The following AMPH variants were observed in gnomAD, a reference collection of about 807,000 sequenced individuals.
AMPH encodes amphiphysin (Stiff-Mann syndrome with breast cancer 128kD autoantigen).
AMPH carries 49 observed loss-of-function variants against 99.1 expected under a neutral mutation model. The observed-to-expected ratio is 0.49, with a 90% CI of 0.39 to 0.63. The LOEUF (loss-of-function observed/expected upper bound fraction) is 0.63, where lower values mean the gene tolerates loss of function less well. Among genes scored for constraint, AMPH ranks in the 20% least tolerant of loss-of-function variants. The pLI, the probability that AMPH is intolerant of heterozygous loss-of-function variation, is 0.00. For missense variants in AMPH, 759 were observed against 863.4 expected, an observed-to-expected ratio of 0.88 and a Z score of 1.52; for synonymous variants, 314 against 317.3, an observed-to-expected ratio of 0.99 and a Z score of 0.11.
At chr7:38,526,653 G>A (rs1475587569) in intron 2 of AMPH, among the ~76,000 whole-genome samples, 3 of 151,766 alleles carry the variant, frequency 2.0e-5, no homozygotes, top group Admixed American at 6.6e-5. Flanking sequence ...TTTCTTTTAC[G>A]TATTCTGGAT....
chr7:38,564,956 C>G (rs895808931), intron 1 of AMPH, among the ~76,000 whole-genome samples: 7 of 152,018 alleles, frequency 4.6e-5, no homozygotes, highest in African/African-American at 1.7e-4. Context: ...AACCCTGTCT[C>G]TACTAAAAAT....
intron 1 of AMPH, among the ~76,000 whole-genome samples, chr7:38,572,166 A>C (rs887796681): frequency 1.3e-5 from 2 of 151,900 alleles, no homozygotes; most frequent in Non-Finnish European, 2.9e-5. Flanking sequence ...CAGCCTCCCA[A>C]AGTGCTGGGA....
chr7:38,465,861 CA>C (rs1378876973), intron 8 of AMPH, among the ~76,000 whole-genome samples: 11 of 152,186 alleles, frequency 7.2e-5, no homozygotes, highest in Non-Finnish European at 2.9e-5. Flanking sequence ...CAATCAACAA[CA>C]GAGTTGATTA....
At chr7:38,525,190 C>T (rs1287269344) in intron 2 of AMPH, among the ~76,000 whole-genome samples, 4 of 145,736 alleles carry the variant, frequency 2.7e-5, no homozygotes, top group African/African-American at 1.0e-4. Flanking sequence ...TATATATATA[C>T]ACAATCTTAT....
At chr7:38,461,536 C>A in intron 10 of AMPH, 125 bp from the exon 11 acceptor site, 2 of 1,121,980 alleles carry the variant, frequency 1.8e-6, no homozygotes. Context: ...CTGCATATAG[C>A]AGCAAGCCTA....
At chr7:38,436,031 G>T (rs866999511) in intron 12 of AMPH, among the ~76,000 whole-genome samples, 3 of 152,188 alleles carry the variant, frequency 2.0e-5, no homozygotes, top group African/African-American at 7.2e-5. Context: ...TACTCTGGGG[G>T]AGAAAACAGG....
In AMPH at chr7:38,432,174, T is replaced by G. The variant is rs1316742753; in HGVS notation, c.1158+15A>C. The G allele has an allele frequency of 6.2e-7, 1 of 1,609,784 alleles. No individual in the cohort carries two copies. The highest frequency in any genetic ancestry group is 8.5e-7 in the Non-Finnish European group (1 of 1,176,182). On this transcript the variant is annotated intron_variant, in intron 13 of 20. Coordinates refer to ENST00000356264, the MANE Select transcript of AMPH (RefSeq NM_001635.4). ...GATCAAGATACATGAAAAAACAGAG[T>G]TATTAGTGGCTTACCGTCCATAGGT...
At chr7:38,528,658 C>CT (rs1790282155) in intron 2 of AMPH, among the ~76,000 whole-genome samples, 1 of 151,866 alleles carries the variant, frequency 6.6e-6, no homozygotes, top group Admixed American at 6.6e-5. Context: ...ATTTTATTGA[C>CT]TTTTTTCCAA....
At position 38,540,306 on chromosome 7, in the gene AMPH, C is replaced by T. The variant is rs182679425; in HGVS notation, c.70-5295G>A. ...GCTGTTTTTCAAATGCAAAATAATA[C>T]ACTATGTTGACTAAGCTTTTCAAAT... On this transcript the variant is annotated intron_variant, in intron 1 of 20. Transcript: ENST00000356264. Among the ~76,000 whole-genome samples the T allele has an allele frequency of 2.8e-4, 42 of 152,222 alleles. 1 individual carries two copies. The highest frequency in any genetic ancestry group is 1.4e-3 in the Admixed American group (21 of 15,296).
intron 1 of AMPH, among the ~76,000 whole-genome samples, chr7:38,612,262 G>A (rs952434505): frequency 1.3e-5 from 2 of 151,988 alleles, no homozygotes; most frequent in African/African-American, 2.4e-5. Flanking sequence ...TTTTAGTACA[G>A]ACGGGGATTT....
chr7:38,574,000 G>A (rs967882970), intron 1 of AMPH, among the ~76,000 whole-genome samples: 2 of 152,208 alleles, frequency 1.3e-5, no homozygotes, highest in Admixed American at 1.3e-4. Context: ...GCTTGGACTG[G>A]AGTCCAGGTT....
At chr7:38,398,520 TAGA>T (rs143503944) in intron 17 of AMPH, among the ~76,000 whole-genome samples, 8,815 of 151,794 alleles carry the variant, frequency 0.058, 355 homozygotes, top group East Asian at 0.19. Flanking sequence ...AGACAGAGAG[TAGA>T]AGGATGCTTA....
intron 17 of AMPH, among the ~76,000 whole-genome samples, chr7:38,410,523 C>G (rs1000219169): frequency 6.6e-6 from 1 of 152,158 alleles, no homozygotes; most frequent in African/African-American, 2.4e-5. Context: ...ATCCCGATGG[C>G]CTAGCAAACA....
chr7:38,513,633 CA>C (rs1433284240), intron 2 of AMPH, among the ~76,000 whole-genome samples: 3 of 152,130 alleles, frequency 2.0e-5, no homozygotes, highest in African/African-American at 7.2e-5. Context: ...CAAGCTTGAC[CA>C]AAACAGAAAT....
At chr7:38,426,890 C>A (rs769918839) in intron 15 of AMPH, 64 bp downstream of exon 15, 37 of 1,516,384 alleles carry the variant, frequency 2.4e-5, no homozygotes, top group Non-Finnish European at 3.4e-5. Flanking sequence ...GAGAACCAAA[C>A]CACATTGAAA....
intron 1 of AMPH, among the ~76,000 whole-genome samples, chr7:38,595,578 T>C (rs1435926993): frequency 6.6e-6 from 1 of 152,204 alleles, no homozygotes; most frequent in Admixed American, 6.5e-5. Context: ...TTTTATCTCA[T>C]TTTTAATTTT....
Position 38,441,742 on chromosome 7 carries a change from A to G in AMPH, c.1018-5354T>C, listed in dbSNP as rs202125615. Among the ~76,000 whole-genome samples, 26 of 128,840 alleles carry G rather than the reference A, an allele frequency of 2.0e-4. 1 individual carries two copies. The East Asian group carries it at 6.7e-3, about 33-fold the overall frequency. 84.5% of individuals were successfully genotyped at this position (128,840 alleles called of 152,430 possible). A position where few individuals can be genotyped will look rare whatever the true frequency, so the allele number is the denominator to read the frequency against. Reference sequence around the variant, plus strand: ...GGATAAAGAAAATGATATATATGACAGATATATCATATATATATCATATAT... The same window carrying G: ...GGATAAAGAAAATGATATATATGACGGATATATCATATATATATCATATAT... On this transcript the variant is annotated intron_variant, in intron 11 of 20. Transcript: ENST00000356264.
intron 13 of AMPH, among the ~76,000 whole-genome samples, chr7:38,431,148 G>T (rs1031545727): frequency 2.6e-5 from 4 of 152,186 alleles, no homozygotes; most frequent in Non-Finnish European, 5.9e-5. Flanking sequence ...AGCTCTGTTT[G>T]TGACACTTTC....
At chr7:38,465,404 C>G in intron 9 of AMPH, 63 bp downstream of exon 9, 1 of 1,410,630 alleles carries the variant, frequency 7.1e-7, no homozygotes, top group Non-Finnish European at 9.8e-7. Flanking sequence ...ACAGGCTGGT[C>G]CACAGATTGA....
Sources: allele counts gnomAD v4.1 joint callset (sites outside exome capture counted in the v4.1 genomes callset), GRCh38; gene constraint gnomAD v4.1.1; transcripts MANE v1.5; gene names NCBI Gene and HGNC (gene_info 2026-07-23, HGNC 2026-07-21).